The following TIE1 variants were observed in gnomAD, a reference collection of about 807,000 sequenced individuals.
TIE1 encodes tyrosine kinase with immunoglobulin like and EGF like domains 1.
A neutral mutation model predicts 130.5 loss-of-function variants in TIE1; 89 were observed. The observed-to-expected ratio is 0.68, with a 90% CI of 0.57 to 0.81. The LOEUF is 0.81. TIE1 is among the 40% of genes least tolerant of loss of function. The probability of loss-of-function intolerance (pLI) is 0.00; values close to 1 mark genes in which losing one functional copy is unlikely to be tolerated. For missense variants in TIE1, 1,392 were observed against 1,559.8 expected, an observed-to-expected ratio of 0.89 and a Z score of 1.81; for synonymous variants, 568 against 629.4, an observed-to-expected ratio of 0.90 and a Z score of 1.46.
At chr1:43,310,390 T>C (rs1478328514) in intron 9 of TIE1, among the ~76,000 whole-genome samples, 2 of 152,244 alleles carry the variant, frequency 1.3e-5, no homozygotes, top group Non-Finnish European at 2.9e-5. Context: ...ACTTTGTTTC[T>C]CTCTTTGTGA....
At chr1:43,308,870 G>T (rs1416551614) in intron 7 of TIE1, 116 bp from the exon 8 acceptor site, 2 of 1,438,200 alleles carry the variant, frequency 1.4e-6, no homozygotes, top group East Asian at 2.3e-5. Flanking sequence ...CTGGTTTTCA[G>T]GCTGGAGGGA....
intron 10 of TIE1, 72 bp downstream of exon 10, chr1:43,311,901 G>A: frequency 1.3e-6 from 2 of 1,576,944 alleles, no homozygotes; most frequent in Non-Finnish European, 1.7e-6. Flanking sequence ...AGCAGGAGAG[G>A]GAGGGCAAAT....
At chr1:43,311,123 G>A (rs1169541969) in intron 9 of TIE1, among the ~76,000 whole-genome samples, 1 of 152,152 alleles carries the variant, frequency 6.6e-6, no homozygotes, top group Non-Finnish European at 1.5e-5. Flanking sequence ...TTCAACACAT[G>A]GCTGTATCTC....
At position 43,313,932 on chromosome 1, in the gene TIE1, G is replaced by A. The variant is rs150268802; in HGVS notation, c.2373G>A (p.Leu791=). Residue 791 remains leucine, a synonymous_variant, in exon 14 of 23, where the codon CTG becomes CTA. Transcript: ENST00000372476. The surrounding 1 kb of genome is among the most constrained non-coding windows in gnomAD (Gnocchi z 6.2). Reference sequence around the variant, plus strand: ...TGGTGTGCATCCGCAGAAGCTGCCTGCATCGGAGACGCACCTTCACCTACC... The same window carrying A: ...TGGTGTGCATCCGCAGAAGCTGCCTACATCGGAGACGCACCTTCACCTACC... ...LTLVCIRRSC[L]HRRRTFTYQS... is the part of the protein sequence containing the mutation. The A allele has an allele frequency of 9.8e-5, 158 of 1,614,046 alleles. No individual in the cohort carries two copies. The highest frequency in any genetic ancestry group is 1.3e-4 in the Non-Finnish European group (154 of 1,180,038).
In TIE1 at chr1:43,312,749, C is replaced by A; in HGVS notation, c.1927+148C>A. ...ACATAGGGTATTAGGCAGACGTGAC[C>A]CCAGCGGGGACATGGGACTTGGGGA... On this transcript the variant is annotated intron_variant, in intron 12 of 22. Transcript: ENST00000372476. This position sits in a 1 kb window ranked among gnomAD's most constrained non-coding sequence, Gnocchi z 5.6. The A allele has an allele frequency of 1.0e-6, 1 of 954,708 alleles. No individual in the cohort carries two copies. The highest frequency in any genetic ancestry group is 1.5e-6 in the Non-Finnish European group (1 of 665,636). 59.1% of individuals were successfully genotyped at this position (954,708 alleles called of 1,614,324 possible). A position where few individuals can be genotyped will look rare whatever the true frequency, so the allele number is the denominator to read the frequency against.
rs1236512601 is a variant in TIE1, at chr1:43,309,036, G to C, written c.1093G>C (p.Glu365Gln). ...GGCCTCAGAACTGGAGTTCAACTTA[G>C]AGACGATGCCCCGGATCAACTGTGC... ...NMASELEFNL[E>Q]TMPRINCAAA... Residue 365 changes from glutamate (E) to glutamine (Q), a missense_variant, in exon 8 of 23, where the codon GAG (glutamate) becomes CAG (glutamine). By Grantham distance (29) the Glu-to-Gln change is conservative (BLOSUM62 2). Around this residue, in one of 6 missense-constraint regions of TIE1, gnomAD observed 551 missense variants for 565.5 expected, o/e 0.97. Transcript: ENST00000372476. This position sits in a 1 kb window ranked among gnomAD's most constrained non-coding sequence, Gnocchi z 6.3. 3 of 1,613,922 alleles carry C rather than the reference G, an allele frequency of 1.9e-6. No individual in the cohort carries two copies. The Admixed American group carries it at 5.0e-5, about 27-fold the overall frequency.
Position 43,306,815 on chromosome 1 carries a change from C to A in TIE1, c.485-25C>A. 1 of 1,589,740 alleles carries A rather than the reference C, an allele frequency of 6.3e-7. No homozygotes were observed. Among genetic ancestry groups the A allele is most frequent in the South Asian group, 1.2e-5 (1 of 85,974 alleles). On this transcript the variant is annotated intron_variant, in intron 3 of 22. Coordinates refer to ENST00000372476, the MANE Select transcript of TIE1 (RefSeq NM_005424.5). This position sits in a 1 kb window ranked among gnomAD's most constrained non-coding sequence, Gnocchi z 4.9. ...ACACAGCCCTCATGTAGTGCTGAGG[C>A]CCCTGACACATTCATGTCCCCCAGG... is the stretch of plus-strand genomic sequence containing the variant.
In TIE1 at chr1:43,319,404, A is replaced by G; in HGVS notation, c.3037-55A>G. The G allele has an allele frequency of 6.2e-7, 1 of 1,612,216 alleles. No individual in the cohort carries two copies. Among genetic ancestry groups the G allele is most frequent in the Non-Finnish European group, 8.5e-7 (1 of 1,178,346 alleles). On this transcript the variant is annotated intron_variant, in intron 18 of 22. Coordinates refer to ENST00000372476, the MANE Select transcript of TIE1 (RefSeq NM_005424.5). The surrounding 1 kb of genome is among the most constrained non-coding windows in gnomAD (Gnocchi z 4.7). ...CTTGTGCCTGGCCCTGCCCCACAGG[A>G]GCCTCAAACAGGCCCTTCCTCCACA...
rs752486539 is a variant in TIE1, at chr1:43,321,323, C to A, written c.3148+14C>A. 9.9e-6 allele frequency: 16 copies of A among 1,614,058 alleles called. No individual in the cohort carries two copies. The highest frequency in any genetic ancestry group is 1.4e-5 in the Non-Finnish European group (16 of 1,179,988). The stretch of plus-strand genomic sequence containing the variant: ...TAGTGAGCCTTGGTGAGTTCCTGAT[C>A]CCCGTCCCCCAGAGTGCCCCACCTT... On this transcript the variant is annotated intron_variant, in intron 20 of 22. Transcript: ENST00000372476.
intron 19 of TIE1, 141 bp from the exon 20 acceptor site, chr1:43,321,128 C>A (rs111977859): frequency 4.7e-6 from 4 of 847,720 alleles, no homozygotes; most frequent in African/African-American, 1.7e-5. Context: ...GGCGCAGAGA[C>A]AACAGCTGGC....
chr1:43,322,885 A>T lies in TIE1; in HGVS notation c.*163A>T, dbSNP rs886404192. ...CTGGGGATGGGGTGGGCTTAGGGGA[A>T]CTGGGTTCCCATGCTTTGTAGGTGT... On this transcript the variant is annotated 3_prime_UTR_variant, in exon 23 of 23. Transcript: ENST00000372476. The surrounding 1 kb of genome is among the most constrained non-coding windows in gnomAD (Gnocchi z 4.0). 22 of 621,628 alleles carry T rather than the reference A, an allele frequency of 3.5e-5. 1 individual carries two copies. The highest frequency in any genetic ancestry group is 2.0e-4 in the Admixed American group (7 of 35,736). The allele number at this position is 621,628 out of a possible 1,614,324, so 38.5% of individuals were successfully genotyped here. A position where few individuals can be genotyped will look rare whatever the true frequency, so the allele number is the denominator to read the frequency against.
intron 1 of TIE1, chr1:43,302,369 T>C (rs1056227296): frequency 2.6e-5 from 4 of 152,248 alleles, no homozygotes; most frequent in African/African-American, 9.6e-5. Context: ...TTCAGTCTGC[T>C]GGTCAGCCGA....
In TIE1 at chr1:43,318,036, T is replaced by G. The variant is rs1365930597; in HGVS notation, c.2886T>G (p.Asp962Glu). 1 of 1,580,368 alleles carries G rather than the reference T, an allele frequency of 6.3e-7. No homozygotes were observed. The highest frequency in any genetic ancestry group is 8.6e-7 in the Non-Finnish European group (1 of 1,162,830). ...SSRQLLRFAS[D>E]AANGMQYLSE... The stretch of plus-strand genomic sequence containing the variant: ...GGCAGCTGCTGCGTTTCGCCAGTGA[T>G]GCGGCCAATGGCATGCAGTACCTGA... The change falls in exon 17 of 23, where the codon GAT (aspartate) becomes GAG (glutamate). Residue 962 changes from aspartate (D) to glutamate (E), a missense_variant. Physicochemically the swap from Asp to Glu is conservative, Grantham distance 45. Transcript: ENST00000372476. This position sits in a 1 kb window ranked among gnomAD's most constrained non-coding sequence, Gnocchi z 4.4.
rs1165632015 is a variant in TIE1, at chr1:43,312,126, G to A, written c.1625G>A (p.Cys542Tyr). 4.5e-6 allele frequency: 7 copies of A among 1,546,868 alleles called. No homozygotes were observed. Among genetic ancestry groups the A allele is most frequent in the South Asian group, 1.2e-5 (1 of 80,114 alleles). Residue 542 changes from cysteine (C) to tyrosine (Y), a missense_variant, in exon 11 of 23, where the codon TGT becomes TAT. Transcript: ENST00000372476. The surrounding 1 kb of genome is among the most constrained non-coding windows in gnomAD (Gnocchi z 5.6). ...CCTCCCACCCTCATGACCACAGACT[G>A]TCCTGGTGAGAGGCCAAGAGTCATC... ...WGPPTLMTTDCPEPLLQPWLE... is the reference protein window; with the variant it reads ...WGPPTLMTTDYPEPLLQPWLE...
At position 43,319,285 on chromosome 1, in the gene TIE1, A is replaced by G. The variant is rs1199039; in HGVS notation, c.2973A>G (p.Leu991=). Residue 991 remains leucine, a synonymous_variant, in exon 18 of 23, where the codon CTA becomes CTG. Coordinates refer to ENST00000372476, the MANE Select transcript of TIE1 (RefSeq NM_005424.5). This position sits in a 1 kb window ranked among gnomAD's most constrained non-coding sequence, Gnocchi z 4.7. ...AARNVLVGEN[L]ASKIADFGLS... ...GGAATGTGCTGGTCGGAGAGAACCT[A>G]GCCTCCAAGATTGCAGACTTCGGCC... The G allele has an allele frequency of 0.36, 578,043 of 1,613,214 alleles. 107,921 individuals carry two copies. Among genetic ancestry groups the G allele is most frequent in the Middle Eastern group, 0.39 (2,389 of 6,062 alleles).
chr1:43,313,787 C>A lies in TIE1; in HGVS notation c.2228C>A (p.Ala743Asp), dbSNP rs376930314. 1 of 1,612,060 alleles carries A rather than the reference C, an allele frequency of 6.2e-7. No homozygotes were observed. The highest frequency in any genetic ancestry group is 1.3e-5 in the African/African-American group (1 of 74,852). Reference protein sequence around the residue: ...EESTLGNGLQAEGPVQESRAA... With the variant: ...EESTLGNGLQDEGPVQESRAA... ...CTCTCACTGTGTCCAGGGCTGCAGGCTGAGGGCCCAGTCCAAGAGAGCCGG... is the reference window on the plus strand; with the variant it reads ...CTCTCACTGTGTCCAGGGCTGCAGGATGAGGGCCCAGTCCAAGAGAGCCGG... Residue 743 changes from alanine to aspartate, a missense_variant, in exon 14 of 23, where the codon GCT (alanine) becomes GAT (aspartate). Ala to Asp is a moderately radical substitution (Grantham distance 126). Coordinates refer to ENST00000372476, the MANE Select transcript of TIE1 (RefSeq NM_005424.5). The surrounding 1 kb of genome is among the most constrained non-coding windows in gnomAD (Gnocchi z 6.2).
Position 43,306,703 on chromosome 1 carries a change from T to C in TIE1, c.485-137T>C. 1 of 1,143,638 alleles carries C rather than the reference T, an allele frequency of 8.7e-7. No homozygotes were observed. Among genetic ancestry groups the C allele is most frequent in the Non-Finnish European group, 1.2e-6 (1 of 811,048 alleles). 70.8% of individuals were successfully genotyped at this position (1,143,638 alleles called of 1,614,324 possible). A position where few individuals can be genotyped will look rare whatever the true frequency, so the allele number is the denominator to read the frequency against. ...ACTTCTGAGCTTTCTGGCGTGGGCA[T>C]AGGCTCTCGTGGTGCCGGCCCTAGG... On this transcript the variant is annotated intron_variant, in intron 3 of 22. Coordinates refer to ENST00000372476, the MANE Select transcript of TIE1 (RefSeq NM_005424.5). This position sits in a 1 kb window ranked among gnomAD's most constrained non-coding sequence, Gnocchi z 4.9.
At position 43,321,663 on chromosome 1, in the gene TIE1, C is replaced by G. The variant is rs1646921641; in HGVS notation, c.3293C>G (p.Pro1098Arg). 1.3e-6 allele frequency: 2 copies of G among 1,553,504 alleles called. No homozygotes were observed. The highest frequency in any genetic ancestry group is 1.7e-6 in the Non-Finnish European group (2 of 1,148,064). Residue 1098 changes from proline to arginine, a missense_variant, in exon 22 of 23, where the codon CCC becomes CGC. Around this residue, in one of 6 missense-constraint regions of TIE1, gnomAD observed 104 missense variants for 129.3 expected, o/e 0.80. Coordinates refer to ENST00000372476, the MANE Select transcript of TIE1 (RefSeq NM_005424.5). ...QCWRDRPYER[P>R]PFAQIALQLG... ...TGGCGGGACCGTCCCTATGAGCGAC[C>G]CCCCTTTGCCCAGATTGCGCTACAG...
intron 7 of TIE1, 72 bp from the exon 8 acceptor site, chr1:43,308,914 G>A (rs565947974): frequency 2.6e-5 from 42 of 1,605,562 alleles, no homozygotes; most frequent in Non-Finnish European, 3.2e-5. Context: ...AACAGAACAC[G>A]GATGAGGGGC....
Sources: gnomAD v4.1 joint callset for allele counts (sites outside exome capture counted in the v4.1 genomes callset) on GRCh38, gnomAD v4.1.1 for gene constraint, gnomAD v4.1.1 regional missense constraint, Gnocchi (gnomAD v3.1) non-coding constraint, MANE v1.5 for transcripts, NCBI Gene and HGNC (gene_info 2026-07-23, HGNC 2026-07-21) for gene names.